IGLON5: variants seen among roughly 807,000 people sequenced by gnomAD.
IGLON5 encodes IgLON family member 5, also known as Ig-like domain-containing protein ENSP00000270642.
Under a neutral mutation model 38.2 loss-of-function variants are expected in IGLON5, and 16 were observed. The ratio of observed to expected loss-of-function variants is 0.42; its 90% confidence interval spans 0.28 to 0.64. The LOEUF is 0.64. IGLON5 is among the 30% of genes least tolerant of loss of function. The pLI is 0.23. For missense variants in IGLON5, 366 were observed against 483.4 expected (o/e 0.76, Z 2.28); for synonymous variants, 207 against 216.4 (o/e 0.96, Z 0.38).
At chr19:51,326,256 G>T (rs1985214018) in intron 4 of IGLON5, among the ~76,000 whole-genome samples, 1 of 152,080 alleles carries the variant, frequency 6.6e-6, no homozygotes, top group Non-Finnish European at 1.5e-5. Context: ...ATCTCTGGAT[G>T]CCCTAAGTCC....
At chr19:51,314,864 C>T (rs1334126688) in intron 1 of IGLON5, among the ~76,000 whole-genome samples, 2 of 152,242 alleles carry the variant, frequency 1.3e-5, no homozygotes, top group African/African-American at 4.8e-5. Flanking sequence ...CTCTCACAAC[C>T]ACTGTCTTGA....
intron 1 of IGLON5, among the ~76,000 whole-genome samples, chr19:51,318,308 A>C (rs1234910488): frequency 6.6e-6 from 1 of 152,250 alleles, no homozygotes; most frequent in Non-Finnish European, 1.5e-5. Flanking sequence ...GACTTGAGTC[A>C]GAACCAAGAT....
intron 1 of IGLON5, among the ~76,000 whole-genome samples, chr19:51,321,033 GTA>G (rs995630309): frequency 4.6e-5 from 7 of 152,146 alleles, no homozygotes; most frequent in African/African-American, 1.7e-4. Context: ...TTGTGTGTGT[GTA>G]TGTGTGTATA....
In IGLON5 at chr19:51,323,911, G is replaced by A. The variant is rs186045247; in HGVS notation, c.391+17G>A. The A allele has an allele frequency of 6.4e-7, 1 of 1,567,596 alleles. No individual in the cohort carries two copies. The highest frequency in any genetic ancestry group is 8.7e-7 in the Non-Finnish European group (1 of 1,144,992). On this transcript the variant is annotated intron_variant, in intron 3 of 7. Transcript: ENST00000270642. ...TTGTCCACGGTGAGCCCTTGGCCGGGGCCTGGCTGGGTGGAGGGGTTGAGA... is the reference window on the plus strand; with the variant it reads ...TTGTCCACGGTGAGCCCTTGGCCGGAGCCTGGCTGGGTGGAGGGGTTGAGA...
chr19:51,323,957 G>T, intron 3 of IGLON5, 63 bp downstream of exon 3: 1 of 1,131,744 alleles, frequency 8.8e-7, no homozygotes, highest in African/African-American at 1.5e-5. Context: ...GACTAGGCAT[G>T]ATGACAGATA....
chr19:51,320,526 G>C (rs940826530), intron 1 of IGLON5, among the ~76,000 whole-genome samples: 1 of 152,212 alleles, frequency 6.6e-6, no homozygotes, highest in Admixed American at 6.5e-5. Context: ...CGCTGGCCAC[G>C]GTCTACAGAG....
Position 51,322,015 on chromosome 19 carries a change from C to T in IGLON5, c.80-49C>T, listed in dbSNP as rs777072864. On this transcript the variant is annotated intron_variant, in intron 1 of 7. Coordinates refer to ENST00000270642, the MANE Select transcript of IGLON5 (RefSeq NM_001101372.3). ...CACATGTGTGCAGGTGCTACCATGC[C>T]CGGGCCTTGCCTGAGCTGCCAAGGC... 133 of 1,491,360 alleles carry T rather than the reference C, an allele frequency of 8.9e-5. 2 individuals carry two copies. The Admixed American group carries it at 2.1e-3, about 24-fold the overall frequency. 92.4% of individuals were successfully genotyped at this position (1,491,360 alleles called of 1,614,324 possible).
intron 2 of IGLON5, among the ~76,000 whole-genome samples, chr19:51,322,573 C>CCT (rs372781205): frequency 0.24 from 32,392 of 133,162 alleles, 4,675 homozygotes; most frequent in East Asian, 0.52. Context: ...TCTCTCCACG[C>CCT]CTCTCTCTCT....
At chr19:51,320,239 C>T (rs1985019952) in intron 1 of IGLON5, among the ~76,000 whole-genome samples, 1 of 152,182 alleles carries the variant, frequency 6.6e-6, no homozygotes, top group Non-Finnish European at 1.5e-5. Context: ...CAGCCCCAAG[C>T]CCCAGAGCCT....
At chr19:51,311,951 G>T (rs957119508) in intron 1 of IGLON5, 25 bp downstream of exon 1, 313 of 1,251,710 alleles carry the variant, frequency 2.5e-4, no homozygotes, top group Non-Finnish European at 3.0e-4. Context: ...GGGGCGGGGG[G>T]CTCGGCCGGG....
In IGLON5 at chr19:51,324,358, A is replaced by G. The variant is rs1391593907; in HGVS notation, c.391+464A>G. On this transcript the variant is annotated intron_variant, in intron 3 of 7. Coordinates refer to ENST00000270642, the MANE Select transcript of IGLON5 (RefSeq NM_001101372.3). The surrounding 1 kb of genome is among the most constrained non-coding windows in gnomAD (Gnocchi z 4.2). ...CAGGGCCAGGCAAGAAGATGAGCCA[A>G]GTGTGCAAAGGGAAGTCTCATGAGG... Among the ~76,000 whole-genome samples the G allele has an allele frequency of 6.6e-6, 1 of 152,216 alleles. No homozygotes were observed. The highest frequency in any genetic ancestry group is 2.4e-5 in the African/African-American group (1 of 41,456).
rs186045247 is a variant in IGLON5, at chr19:51,323,911, G to T, written c.391+17G>T. 6.4e-7 allele frequency: 1 copy of T among 1,567,596 alleles called. No individual in the cohort carries two copies. Among genetic ancestry groups the T allele is most frequent in the Admixed American group, 1.7e-5 (1 of 58,898 alleles). On this transcript the variant is annotated intron_variant, in intron 3 of 7. Transcript: ENST00000270642. ...TTGTCCACGGTGAGCCCTTGGCCGG[G>T]GCCTGGCTGGGTGGAGGGGTTGAGA...
chr19:51,312,834 C>G (rs1011046458), intron 1 of IGLON5, among the ~76,000 whole-genome samples: 1 of 152,132 alleles, frequency 6.6e-6, no homozygotes, highest in Non-Finnish European at 1.5e-5. Flanking sequence ...TTGAGTCTCC[C>G]CAGTAGGGCC....
intron 2 of IGLON5, among the ~76,000 whole-genome samples, chr19:51,322,473 G>GC (rs1462991476): frequency 3.0e-4 from 45 of 149,786 alleles, no homozygotes; most frequent in African/African-American, 1.1e-3. Context: ...CAGAGATCCA[G>GC]AGAGAAGGGG....
intron 1 of IGLON5, among the ~76,000 whole-genome samples, chr19:51,315,660 T>C (rs1984899431): frequency 6.7e-6 from 1 of 150,352 alleles, no homozygotes; most frequent in African/African-American, 2.5e-5. Context: ...AGAGTGGAGT[T>C]AAGACCTGAA....
chr19:51,311,717 C>G lies in IGLON5; in HGVS notation c.-131C>G, dbSNP rs1226397748. The G allele has an allele frequency of 1.2e-5, 1 of 80,632 alleles. No individual in the cohort carries two copies. Among genetic ancestry groups the G allele is most frequent in the Non-Finnish European group, 2.5e-5 (1 of 40,240 alleles). The allele number at this position is 80,632 out of a possible 1,614,324, so 5.0% of individuals were successfully genotyped here. On this transcript the variant is annotated 5_prime_UTR_variant, in exon 1 of 8. Transcript: ENST00000270642. ...TCGCGCCCCCCCAGCCCCCTCCCCC[C>G]GCCCCCGCCGCCCCCCGGGCCGGTG...
Position 51,326,778 on chromosome 19 carries a change from G to C in IGLON5, c.526G>C (p.Glu176Gln). 3.9e-6 allele frequency: 6 copies of C among 1,548,888 alleles called. No homozygotes were observed. Among genetic ancestry groups the C allele is most frequent in the Non-Finnish European group, 5.2e-6 (6 of 1,146,346 alleles). The stretch of plus-strand genomic sequence containing the variant: ...TCCCCCCACAGACGGCTTCACCTCG[G>C]AGGGAGAGATCCTGGAGATCTCTGA... The part of the protein sequence containing the change: ...WRQLRDGFTS[E>Q]GEILEISDIQ... The change falls in exon 5 of 8, where the codon GAG becomes CAG. Residue 176 changes from glutamate (E) to glutamine (Q), a missense_variant. Glu to Gln is a conservative substitution (Grantham distance 29). Transcript: ENST00000270642.
In IGLON5 at chr19:51,327,706, C is replaced by T. The variant is rs1203796379; in HGVS notation, c.768-26C>T. 4.5e-6 allele frequency: 7 copies of T among 1,551,742 alleles called. No homozygotes were observed. In the Admixed American group the frequency reaches 1.2e-4, roughly 26 times the overall value. On this transcript the variant is annotated intron_variant, in intron 6 of 7. Transcript: ENST00000270642. The surrounding 1 kb of genome is among the most constrained non-coding windows in gnomAD (Gnocchi z 7.1). ...GCTGGCCTGGCTGGGCGCTGCGGCC[C>T]GGCCCCTGACCCGGATCCCTGGCAG...
In IGLON5 at chr19:51,327,917, G is replaced by T. The variant is rs761646820; in HGVS notation, c.922+31G>T. On this transcript the variant is annotated intron_variant, in intron 7 of 7. Coordinates refer to ENST00000270642, the MANE Select transcript of IGLON5 (RefSeq NM_001101372.3). This position sits in a 1 kb window ranked among gnomAD's most constrained non-coding sequence, Gnocchi z 7.1. ...TCTTCGGGCGGGGCGGGGCCGGGAA[G>T]GTGGGCGGGGCCGGGGGCGGGGCTA... 2 of 1,467,762 alleles carry T rather than the reference G, an allele frequency of 1.4e-6. No individual in the cohort carries two copies. The highest frequency in any genetic ancestry group is 1.8e-6 in the Non-Finnish European group (2 of 1,109,572). The allele number at this position is 1,467,762 out of a possible 1,614,324, so 90.9% of individuals were successfully genotyped here.
Sources: gnomAD v4.1 joint callset for allele counts (sites outside exome capture counted in the v4.1 genomes callset) on GRCh38, gnomAD v4.1.1 for gene constraint, Gnocchi (gnomAD v3.1) non-coding constraint, MANE v1.5 for transcripts, NCBI Gene and HGNC (gene_info 2026-07-23, HGNC 2026-07-21) for gene names.